GTF2E1: variants seen among roughly 807,000 people sequenced by gnomAD.
The protein encoded by GTF2E1 is general transcription factor IIE subunit 1.
A neutral mutation model predicts 34.9 loss-of-function variants in GTF2E1; 14 were observed. That is an observed-to-expected ratio of 0.40 (90% CI 0.27 to 0.63). GTF2E1 has a LOEUF of 0.63. GTF2E1 is among the 20% of genes least tolerant of loss of function. The pLI is 0.39. For synonymous variants in GTF2E1, 188 were observed against 192.9 expected (o/e 0.97, Z 0.21); for missense variants, 469 against 557.7 (o/e 0.84, Z 1.60).
intron 2 of GTF2E1, among the ~76,000 whole-genome samples, chr3:120,753,069 A>G (rs765268666): frequency 5.3e-5 from 8 of 151,630 alleles, no homozygotes; most frequent in Non-Finnish European, 1.2e-4. Flanking sequence ...TGTGCTGATT[A>G]GGTGATATTA....
At position 120,781,067 on chromosome 3, in the gene GTF2E1, A is replaced by G. The variant is rs759799934; in HGVS notation, c.917A>G (p.Gln306Arg). The G allele has an allele frequency of 3.7e-6, 6 of 1,613,298 alleles. No individual in the cohort carries two copies. The East Asian group carries it at 1.3e-4, about 36-fold the overall frequency. ...GGGGGCATAGATATGGACGCATTTC[A>G]GGAGCGTGAGGAAGGCCATGCTGGG... The part of the protein sequence containing the change: ...KEGGIDMDAF[Q>R]EREEGHAGPD... Residue 306 changes from glutamine (Q) to arginine (R), a missense_variant, in exon 5 of 5, where the codon CAG (glutamine) becomes CGG (arginine). Coordinates refer to ENST00000283875, the MANE Select transcript of GTF2E1 (RefSeq NM_005513.3).
At chr3:120,746,164 ATTAAATCTG>A (rs1709103434) in intron 1 of GTF2E1, among the ~76,000 whole-genome samples, 1 of 152,198 alleles carries the variant, frequency 6.6e-6, no homozygotes, top group Non-Finnish European at 1.5e-5. Context: ...TAAAAAGAGT[ATTAAATCTG>A]TTGGGTTGAT....
rs1168890863 is a variant in GTF2E1, at chr3:120,750,519, TCAG to T, written c.-30-3_-30-1del. 1 of 1,539,236 alleles carries T rather than the reference TCAG, an allele frequency of 6.5e-7. No individual in the cohort carries two copies. The highest frequency in any genetic ancestry group is 1.8e-5 in the Admixed American group (1 of 55,840). ...GCTAATTTTCTGTTTTTTTTTGAAT[TCAG>T]TATATTTAAAGTTGGAGTTCGTTGC... On this transcript the variant is annotated splice_acceptor_variant and splice_polypyrimidine_tract_variant and intron_variant, in intron 1 of 4. Coordinates refer to ENST00000283875, the MANE Select transcript of GTF2E1 (RefSeq NM_005513.3). LOFTEE classifies it low-confidence loss of function (5UTR_SPLICE).
intron 1 of GTF2E1, among the ~76,000 whole-genome samples, chr3:120,748,566 T>C (rs1304373515): frequency 1.3e-5 from 2 of 152,178 alleles, no homozygotes; most frequent in African/African-American, 2.4e-5. Flanking sequence ...GTTGTAGATA[T>C]GCAGCGTTAT....
intron 1 of GTF2E1, among the ~76,000 whole-genome samples, chr3:120,747,133 C>T (rs751747584): frequency 2.0e-5 from 3 of 151,386 alleles, no homozygotes; most frequent in Admixed American, 6.6e-5. Flanking sequence ...GACTGAGTTT[C>T]GCTCTTGTTG....
chr3:120,754,797 T>A lies in GTF2E1; in HGVS notation c.448+3797T>A, dbSNP rs568535720. Reference sequence around the variant, plus strand: ...GAGATGAGATAATTTAATTTTTTTTTAAAAAAGAATCTTATAAATGTATAT... The same window carrying A: ...GAGATGAGATAATTTAATTTTTTTTAAAAAAAGAATCTTATAAATGTATAT... On this transcript the variant is annotated intron_variant, in intron 2 of 4. Transcript: ENST00000283875. 4.5e-4 allele frequency among the ~76,000 whole-genome samples: 69 copies of A among 152,006 alleles called. 1 individual carries two copies. The East Asian group carries it at 6.2e-3, about 14-fold the overall frequency.
chr3:120,777,114 A>G (rs973856644), intron 4 of GTF2E1, among the ~76,000 whole-genome samples: 4 of 152,234 alleles, frequency 2.6e-5, no homozygotes, highest in Non-Finnish European at 5.9e-5. Context: ...CAAAGAGACC[A>G]CATGAATAAA....
At chr3:120,760,775 C>T (rs141361314) in intron 2 of GTF2E1, among the ~76,000 whole-genome samples, 3 of 151,956 alleles carry the variant, frequency 2.0e-5, no homozygotes, top group Admixed American at 6.6e-5. Flanking sequence ...GCGATGAAGC[C>T]GACTTGATCT....
intron 1 of GTF2E1, among the ~76,000 whole-genome samples, chr3:120,747,865 C>G (rs1379165155): frequency 2.6e-5 from 4 of 152,246 alleles, no homozygotes; most frequent in Non-Finnish European, 5.9e-5. Flanking sequence ...GTCCCAACAA[C>G]AGTGTAAAAG....
chr3:120,774,041 C>G lies in GTF2E1; in HGVS notation c.651-2382C>G, dbSNP rs1458586439. On this transcript the variant is annotated intron_variant, in intron 3 of 4. Transcript: ENST00000283875. ...TAAAGATAGAGAATAGAGAAAAACT[C>G]TGTGTTCAGGATTATATATAAAGAG... Among the ~76,000 whole-genome samples the G allele has an allele frequency of 8.5e-5, 13 of 152,256 alleles. No homozygotes were observed. In the East Asian group the frequency reaches 1.7e-3, roughly 20 times the overall value.
chr3:120,751,698 A>C (rs1477312763), intron 2 of GTF2E1, among the ~76,000 whole-genome samples: 1 of 152,190 alleles, frequency 6.6e-6, no homozygotes, highest in Non-Finnish European at 1.5e-5. Context: ...TGAGTTATAT[A>C]GTTATTTTAT....
intron 2 of GTF2E1, among the ~76,000 whole-genome samples, chr3:120,758,855 A>G (rs1709232834): frequency 2.0e-5 from 3 of 152,240 alleles, no homozygotes; most frequent in South Asian, 2.1e-4. Context: ...AGTCTTTGCT[A>G]TTGTGAATAG....
At chr3:120,759,121 T>C (rs1445453923) in intron 2 of GTF2E1, among the ~76,000 whole-genome samples, 1 of 152,258 alleles carries the variant, frequency 6.6e-6, no homozygotes, top group Non-Finnish European at 1.5e-5. Context: ...CTAACTGGTA[T>C]GAGATGGTAT....
At chr3:120,745,651 A>C (rs972121345) in intron 1 of GTF2E1, among the ~76,000 whole-genome samples, 1 of 152,214 alleles carries the variant, frequency 6.6e-6, no homozygotes, top group Non-Finnish European at 1.5e-5. Context: ...GGGGCAGGGA[A>C]GGAGAATACA....
chr3:120,771,401 G>T (rs1015568864), intron 3 of GTF2E1, among the ~76,000 whole-genome samples: 1 of 152,072 alleles, frequency 6.6e-6, no homozygotes, highest in Admixed American at 6.6e-5. Flanking sequence ...TTACCTATGG[G>T]TTAATACTCC....
intron 2 of GTF2E1, among the ~76,000 whole-genome samples, chr3:120,767,161 G>A (rs1709316511): frequency 6.6e-6 from 1 of 152,058 alleles, no homozygotes; most frequent in Non-Finnish European, 1.5e-5. Flanking sequence ...GCTAGATGTG[G>A]TATTTATTGG....
chr3:120,779,258 T>A (rs1366802090), intron 4 of GTF2E1, among the ~76,000 whole-genome samples: 1 of 152,248 alleles, frequency 6.6e-6, no homozygotes, highest in East Asian at 1.9e-4. Context: ...ACTTAAACAT[T>A]AATCAAAATA....
At chr3:120,775,141 G>A (rs536208607) in intron 3 of GTF2E1, among the ~76,000 whole-genome samples, 1 of 152,262 alleles carries the variant, frequency 6.6e-6, no homozygotes, top group East Asian at 1.9e-4. Context: ...AGTGGACCCA[G>A]AACAAGTGAA....
Position 120,747,837 on chromosome 3 carries a change from G to T in GTF2E1, c.-30-2686G>T, listed in dbSNP as rs556478797. Among the ~76,000 whole-genome samples, 84 of 152,314 alleles carry T rather than the reference G, an allele frequency of 5.5e-4. 1 individual carries two copies. The highest frequency in any genetic ancestry group is 4.8e-3 in the East Asian group (25 of 5,182). ...GGAATCGCCACACTGACTTCCACAA[G>T]GGTTGAACTAGTTTATAGTCCCAAC... On this transcript the variant is annotated intron_variant, in intron 1 of 4. Coordinates refer to ENST00000283875, the MANE Select transcript of GTF2E1 (RefSeq NM_005513.3).
Sources: allele counts gnomAD v4.1 joint callset (sites outside exome capture counted in the v4.1 genomes callset), GRCh38; gene constraint gnomAD v4.1.1; transcripts MANE v1.5; gene names NCBI Gene and HGNC (gene_info 2026-07-23, HGNC 2026-07-21).